The following ASIC4 variants were observed in gnomAD, a reference collection of about 807,000 sequenced individuals.
The protein encoded by ASIC4 is acid-sensing ion channel 4.
Under a neutral mutation model 53.4 loss-of-function variants are expected in ASIC4, and 28 were observed. That is an observed-to-expected ratio of 0.52 (90% confidence interval 0.39 to 0.72). The LOEUF is 0.72. Among genes scored for constraint, ASIC4 ranks in the 30% least tolerant of loss-of-function variants. ASIC4 has a pLI of 0.00. For synonymous variants in ASIC4, 289 were observed against 301.4 expected, an observed-to-expected ratio of 0.96 and a Z score of 0.43; for missense variants, 649 against 729.7, an observed-to-expected ratio of 0.89 and a Z score of 1.27.
chr2:219,514,935 G>T lies in ASIC4; in HGVS notation c.211G>T (p.Ala71Ser), dbSNP rs371198006. The change falls in exon 1 of 10, where the codon GCA becomes TCA. Residue 71 changes from alanine (A) to serine (S), a missense_variant. Coordinates refer to ENST00000358078, the MANE Select transcript of ASIC4 (RefSeq NM_018674.6). ...CCACGGACTGCGCAGAACCCTGTGG[G>T]CACTGGCCCTACTCACCTCGCTGGC... ...GPHGLRRTLW[A>S]LALLTSLAAF... 16 of 1,612,962 alleles carry T rather than the reference G, an allele frequency of 9.9e-6. No individual in the cohort carries two copies. The African/African-American group carries it at 2.0e-4, about 20-fold the overall frequency.
In ASIC4 at chr2:219,515,096, G is replaced by C; in HGVS notation, c.372G>C (p.Arg124=). ...CCCTCTGCAATATCAACCGCTTCCG[G>C]CATTCGGCACTCAGCGATGCCGACA... The part of the protein sequence containing the change: ...AVTLCNINRF[R]HSALSDADIF... The change falls in exon 1 of 10, where the codon CGG becomes CGC. Residue 124 remains arginine (R), a synonymous_variant. Transcript: ENST00000358078. 6.2e-7 allele frequency: 1 copy of C among 1,614,064 alleles called. No individual in the cohort carries two copies. Among genetic ancestry groups the C allele is most frequent in the Non-Finnish European group, 8.5e-7 (1 of 1,180,026 alleles).
Position 219,538,267 on chromosome 2 carries a change from G to T in ASIC4, c.*221G>T, listed in dbSNP as rs1695182491. 2 of 571,062 alleles carry T rather than the reference G, an allele frequency of 3.5e-6. No individual in the cohort carries two copies. Among genetic ancestry groups the T allele is most frequent in the Non-Finnish European group, 6.2e-6 (2 of 321,598 alleles). 35.4% of individuals were successfully genotyped at this position (571,062 alleles called of 1,614,324 possible). A position where few individuals can be genotyped will look rare whatever the true frequency, so the allele number is the denominator to read the frequency against. ...AGGCTGGTGCCCCGGGAGGGCTGGA[G>T]ACCAGGCCATGGGCCCTCACGGAGA... On this transcript the variant is annotated 3_prime_UTR_variant, in exon 10 of 10. Coordinates refer to ENST00000358078, the MANE Select transcript of ASIC4 (RefSeq NM_018674.6).
chr2:219,507,415 C>G, the ASIC4 span, among the ~76,000 whole-genome samples: 1 of 152,228 alleles, frequency 6.6e-6, no homozygotes, highest in African/African-American at 2.4e-5. Flanking sequence ...TTTGCCAGCT[C>G]CATCTGCTCC....
At position 219,517,647 on chromosome 2, in the gene ASIC4, A is replaced by G. The variant is rs1694816092; in HGVS notation, c.582+2341A>G. 6.6e-6 allele frequency among the ~76,000 whole-genome samples: 1 copy of G among 152,122 alleles called. No homozygotes were observed. Among genetic ancestry groups the G allele is most frequent in the South Asian group, 2.1e-4 (1 of 4,828 alleles). On this transcript the variant is annotated intron_variant, in intron 1 of 9. Coordinates refer to ENST00000358078, the MANE Select transcript of ASIC4 (RefSeq NM_018674.6). The surrounding 1 kb of genome is among the most constrained non-coding windows in gnomAD (Gnocchi z 4.2). ...TAGTGGGGAAGATGGGGTGTATTAC[A>G]GGGGAAAGACTGGAGAATGGGCATG...
At chr2:219,521,518 A>C (rs1182084835) in intron 1 of ASIC4, among the ~76,000 whole-genome samples, 1 of 152,054 alleles carries the variant, frequency 6.6e-6, no homozygotes, top group African/African-American at 2.4e-5. Flanking sequence ...GGGGGCAGGA[A>C]GGATCAGGAA....
chr2:219,535,038 G>C (rs779832922), intron 5 of ASIC4, 133 bp from the exon 6 acceptor site: 12 of 1,332,116 alleles, frequency 9.0e-6, no homozygotes, highest in Admixed American at 4.7e-5. Context: ...GGAAGCACTG[G>C]GGCTGGCCAG....
chr2:219,529,312 G>T (rs1395839075), intron 1 of ASIC4, among the ~76,000 whole-genome samples: 1 of 152,220 alleles, frequency 6.6e-6, no homozygotes. Flanking sequence ...GAGGGCAGGG[G>T]TGATACCTGT....
Position 219,515,047 on chromosome 2 carries a change from C to T in ASIC4, c.323C>T (p.Pro108Leu), listed in dbSNP as rs746507588. The T allele has an allele frequency of 1.9e-6, 3 of 1,613,512 alleles. No homozygotes were observed. Among genetic ancestry groups the T allele is most frequent in the Admixed American group, 3.3e-5 (2 of 60,026 alleles). The stretch of plus-strand genomic sequence containing the variant: ...GCAATGGACCCCGCTGCCCCAGCCC[C>T]AGTGGCGGGCTTCCCGGCTGTCACC... ...LVAMDPAAPA[P>L]VAGFPAVTLC... Residue 108 changes from proline to leucine, a missense_variant, in exon 1 of 10, where the codon CCA (proline) becomes CTA (leucine). Pro to Leu is a moderately conservative substitution (Grantham distance 98). Transcript: ENST00000358078.
chr2:219,528,863 G>A (rs1305999655), intron 1 of ASIC4, among the ~76,000 whole-genome samples: 1 of 152,148 alleles, frequency 6.6e-6, no homozygotes, highest in Non-Finnish European at 1.5e-5. Flanking sequence ...CTTGCACCAG[G>A]CCCATTTCAG....
At position 219,535,281 on chromosome 2, in the gene ASIC4, C is replaced by T. The variant is rs745307628; in HGVS notation, c.1186C>T (p.Arg396Trp). Reference protein sequence around the residue: ...MVRIPNRGSARYLARKYNRNE... With the variant: ...MVRIPNRGSAWYLARKYNRNE... ...CAGGATCCCCAACAGGGGCTCAGCC[C>T]GGTACCTGGCGAGGAAGTACAACCG... The change falls in exon 6 of 10, where the codon CGG becomes TGG. Residue 396 changes from arginine to tryptophan, a missense_variant. Physicochemically the swap from Arg to Trp is moderately radical, Grantham distance 101. Transcript: ENST00000358078. The T allele has an allele frequency of 1.1e-5, 17 of 1,613,576 alleles. No individual in the cohort carries two copies. The highest frequency in any genetic ancestry group is 1.7e-4 in the Middle Eastern group (1 of 5,892).
In ASIC4 at chr2:219,517,461, T is replaced by C. The variant is rs755225659; in HGVS notation, c.582+2155T>C. 3.9e-5 allele frequency among the ~76,000 whole-genome samples: 6 copies of C among 152,088 alleles called. No individual in the cohort carries two copies. Among genetic ancestry groups the C allele is most frequent in the Non-Finnish European group, 7.4e-5 (5 of 68,000 alleles). On this transcript the variant is annotated intron_variant, in intron 1 of 9. Transcript: ENST00000358078. This position sits in a 1 kb window ranked among gnomAD's most constrained non-coding sequence, Gnocchi z 4.2. ...CAGGAATTCCCCTTTGGGATTTCCA[T>C]TTCCCCTGTCTCCAGCCCAGCCTCC...
chr2:219,537,903 G>A lies in ASIC4; in HGVS notation c.1507-30G>A, dbSNP rs1421948054. On this transcript the variant is annotated intron_variant, in intron 9 of 9. Coordinates refer to ENST00000358078, the MANE Select transcript of ASIC4 (RefSeq NM_018674.6). The surrounding 1 kb of genome is among the most constrained non-coding windows in gnomAD (Gnocchi z 4.9). ...TGGGGGCACCACTTGAGCTCTCCCGGTCCCACTCTCTCTTTTCTTTCTCCT... is the reference window on the plus strand; with the variant it reads ...TGGGGGCACCACTTGAGCTCTCCCGATCCCACTCTCTCTTTTCTTTCTCCT... The A allele has an allele frequency of 3.2e-6, 5 of 1,562,948 alleles. No homozygotes were observed. Among genetic ancestry groups the A allele is most frequent in the Non-Finnish European group, 4.4e-6 (5 of 1,147,496 alleles).
At position 219,537,572 on chromosome 2, in the gene ASIC4, C is replaced by T; in HGVS notation, c.1402-60C>T. On this transcript the variant is annotated intron_variant, in intron 8 of 9. Coordinates refer to ENST00000358078, the MANE Select transcript of ASIC4 (RefSeq NM_018674.6). This position sits in a 1 kb window ranked among gnomAD's most constrained non-coding sequence, Gnocchi z 4.9. ...GTGGGCAGCTGGGCATGGTAAGGCT[C>T]ACGCTTCTCCTCAACCAAATTTCCT... 3 of 1,461,954 alleles carry T rather than the reference C, an allele frequency of 2.1e-6. No individual in the cohort carries two copies. Among genetic ancestry groups the T allele is most frequent in the African/African-American group, 1.4e-5 (1 of 71,572 alleles). The allele number at this position is 1,461,954 out of a possible 1,614,324, so 90.6% of individuals were successfully genotyped here.
intron 1 of ASIC4, among the ~76,000 whole-genome samples, chr2:219,523,701 C>G (rs1265581451): frequency 6.6e-6 from 1 of 152,186 alleles, no homozygotes; most frequent in Non-Finnish European, 1.5e-5. Flanking sequence ...GTGACCTTGG[C>G]TAGGTCACCC....
upstream of ASIC4, among the ~76,000 whole-genome samples, chr2:219,510,331 C>T (rs897266933): frequency 2.6e-5 from 4 of 152,132 alleles, no homozygotes; most frequent in African/African-American, 7.2e-5. The surrounding 1 kb of genome is among the most constrained non-coding windows in gnomAD (Gnocchi z 5.2). Context: ...CAGCTCTCTC[C>T]GCTCTCTGAC....
chr2:219,534,412 CCTGTGG>C (rs1695094189), intron 5 of ASIC4, among the ~76,000 whole-genome samples: 1 of 152,224 alleles, frequency 6.6e-6, no homozygotes, highest in Non-Finnish European at 1.5e-5. Context: ...GAGAGAGAGA[CCTGTGG>C]CTGTCCGAGA....
intron 1 of ASIC4, among the ~76,000 whole-genome samples, chr2:219,520,822 A>G (rs902933280): frequency 2.0e-5 from 3 of 152,224 alleles, no homozygotes; most frequent in Admixed American, 6.5e-5. Flanking sequence ...TACAGTAGGG[A>G]AGGGTGGGGT....
intron 5 of ASIC4, 56 bp downstream of exon 5, chr2:219,532,995 A>G (rs991501736): frequency 2.0e-6 from 3 of 1,534,604 alleles, no homozygotes; most frequent in African/African-American, 2.8e-5. Flanking sequence ...GTCTCTGTCC[A>G]CTCTTCTCCT....
At chr2:219,523,407 C>T (rs189066345) in intron 1 of ASIC4, among the ~76,000 whole-genome samples, 1 of 152,328 alleles carries the variant, frequency 6.6e-6, no homozygotes, top group Non-Finnish European at 1.5e-5. Context: ...CTAGGGCTCC[C>T]CTGTCCCTTC....
Sources: gnomAD v4.1 joint callset for allele counts (sites outside exome capture counted in the v4.1 genomes callset) on GRCh38, gnomAD v4.1.1 for gene constraint, Gnocchi (gnomAD v3.1) non-coding constraint, MANE v1.5 for transcripts, NCBI Gene and HGNC (gene_info 2026-07-23, HGNC 2026-07-21) for gene names.